Variants in INPP4B observed in about 807,000 individuals in gnomAD.
INPP4B encodes the protein inositol polyphosphate-4-phosphatase type II B.
A neutral mutation model predicts 122.5 loss-of-function variants in INPP4B; 55 were observed. That is an observed-to-expected ratio of 0.45 (90% CI 0.36 to 0.56). INPP4B has a LOEUF of 0.56. Among genes scored for constraint, INPP4B ranks in the 20% least tolerant of loss-of-function variants. INPP4B has a pLI of 0.00. For synonymous variants in INPP4B, 403 were observed against 388.7 expected, an observed-to-expected ratio of 1.04 and a Z score of -0.43; for missense variants, 1,000 against 1,097.7, an observed-to-expected ratio of 0.91 and a Z score of 1.26.
intron 2 of INPP4B, among the ~76,000 whole-genome samples, chr4:142,572,487 A>G (rs912353361): frequency 1.3e-5 from 2 of 152,144 alleles, no homozygotes; most frequent in Non-Finnish European, 2.9e-5. Context: ...AACAACCACA[A>G]CACTATATTT....
intron 7 of INPP4B, chr4:142,347,243 T>C (rs1780579326): frequency 6.4e-6 from 1 of 156,188 alleles, no homozygotes; most frequent in African/African-American, 2.4e-5. Flanking sequence ...CTATTAAACA[T>C]CTATTGAATA....
intron 12 of INPP4B, among the ~76,000 whole-genome samples, chr4:142,213,248 C>T (rs1845639131): frequency 6.6e-6 from 1 of 152,178 alleles, no homozygotes; most frequent in East Asian, 1.9e-4. Flanking sequence ...GGAGAGGATG[C>T]AACTTAATTT....
intron 15 of INPP4B, among the ~76,000 whole-genome samples, chr4:142,179,487 A>AAG (rs1829825258): frequency 6.6e-6 from 1 of 151,334 alleles, no homozygotes; most frequent in Non-Finnish European, 1.5e-5. Context: ...AAAAAAAAAA[A>AAG]AAAAGGTTTC....
chr4:142,448,343 A>C (rs1220776254), intron 3 of INPP4B, among the ~76,000 whole-genome samples: 4 of 151,698 alleles, frequency 2.6e-5, no homozygotes, highest in Admixed American at 1.3e-4. Context: ...AAAAAAAAAA[A>C]AAAAAAAAAA....
At chr4:142,828,461 A>G (rs1286065532) in intron 1 of INPP4B, among the ~76,000 whole-genome samples, 1 of 152,188 alleles carries the variant, frequency 6.6e-6, no homozygotes, top group Non-Finnish European at 1.5e-5. Context: ...AAAATACTGT[A>G]CATATAATCA....
intron 15 of INPP4B, among the ~76,000 whole-genome samples, chr4:142,178,915 T>C (rs1339568616): frequency 6.6e-6 from 1 of 150,956 alleles, no homozygotes; most frequent in Non-Finnish European, 1.5e-5. Flanking sequence ...AAGAAAATAA[T>C]ATGGATCACA....
chr4:142,273,382 G>A (rs1746839021), intron 9 of INPP4B, among the ~76,000 whole-genome samples: 1 of 151,804 alleles, frequency 6.6e-6, no homozygotes, highest in African/African-American at 2.4e-5. Context: ...AAGGCTATAA[G>A]GTCTCATGGC....
intron 2 of INPP4B, among the ~76,000 whole-genome samples, chr4:142,692,914 T>TAGATAGATAGATAGATAGATAG (rs1760398423): frequency 6.7e-6 from 1 of 148,238 alleles, no homozygotes; most frequent in Non-Finnish European, 1.5e-5. Flanking sequence ...GGCTAGTCTC[T>TAGATAGATAGATAGATAGATAG]ATAGATAGAT....
chr4:142,104,894 G>C (rs1156791836), intron 23 of INPP4B, among the ~76,000 whole-genome samples: 1 of 151,812 alleles, frequency 6.6e-6, no homozygotes, highest in African/African-American at 2.4e-5. Context: ...TAATATTTTT[G>C]TCATTGCATA....
chr4:142,234,665 G>C (rs991708506), intron 12 of INPP4B, among the ~76,000 whole-genome samples: 3 of 152,132 alleles, frequency 2.0e-5, no homozygotes, highest in African/African-American at 7.2e-5. Flanking sequence ...TATACAGCCT[G>C]GTCATCATAG....
At chr4:142,213,685 C>A (rs772101999) in intron 12 of INPP4B, among the ~76,000 whole-genome samples, 33 of 152,186 alleles carry the variant, frequency 2.2e-4, no homozygotes, top group Non-Finnish European at 3.8e-4. Flanking sequence ...TTCTTTCAGG[C>A]CCATCAGATT....
chr4:142,221,818 A>G (rs894230075), intron 12 of INPP4B, among the ~76,000 whole-genome samples: 4 of 152,226 alleles, frequency 2.6e-5, no homozygotes, highest in African/African-American at 9.6e-5. Flanking sequence ...ATTGTATTTA[A>G]TTTTTAAAAA....
chr4:142,569,955 C>G (rs1732465161), intron 2 of INPP4B, among the ~76,000 whole-genome samples: 1 of 152,008 alleles, frequency 6.6e-6, no homozygotes, highest in Non-Finnish European at 1.5e-5. Flanking sequence ...TTCTTCCATT[C>G]CTCCTCCAAT....
intron 2 of INPP4B, among the ~76,000 whole-genome samples, chr4:142,619,724 C>T (rs192692058): frequency 1.1e-4 from 16 of 151,952 alleles, no homozygotes; most frequent in Admixed American, 4.6e-4. Context: ...CTGTATTATC[C>T]GCTTAGAAAT....
intron 9 of INPP4B, among the ~76,000 whole-genome samples, chr4:142,298,099 AAAACAAAC>A (rs149202589): frequency 0.027 from 4,108 of 152,100 alleles, 85 homozygotes; most frequent in Middle Eastern, 0.051. Context: ...CCTAAGGCAA[AAAACAAAC>A]AAACAAACAA....
chr4:142,600,276 T>C (rs1413964434), intron 2 of INPP4B, among the ~76,000 whole-genome samples: 1 of 152,166 alleles, frequency 6.6e-6, no homozygotes, highest in Non-Finnish European at 1.5e-5. Context: ...CTTGGATCTC[T>C]TTCTCAGCAT....
chr4:142,321,244 C>A (rs1769888552), intron 7 of INPP4B, among the ~76,000 whole-genome samples: 1 of 152,064 alleles, frequency 6.6e-6, no homozygotes, highest in Non-Finnish European at 1.5e-5. Context: ...TTTTCATAGG[C>A]TTGTTGGCCA....
At chr4:142,114,780 A>G (rs113622178) in intron 21 of INPP4B, among the ~76,000 whole-genome samples, 2 of 151,986 alleles carry the variant, frequency 1.3e-5, no homozygotes, top group African/African-American at 2.4e-5. Context: ...ATGAAGTCCT[A>G]TTTATCTATT....
chr4:142,800,040 G>A (rs1379107927), intron 1 of INPP4B, among the ~76,000 whole-genome samples: 1 of 151,980 alleles, frequency 6.6e-6, no homozygotes, highest in East Asian at 1.9e-4. Context: ...TTAGACTATA[G>A]AAAGATCATT....
Sources: allele counts gnomAD v4.1 joint callset (sites outside exome capture counted in the v4.1 genomes callset), GRCh38; gene constraint gnomAD v4.1.1; transcripts MANE v1.5; gene names NCBI Gene and HGNC (gene_info 2026-07-23, HGNC 2026-07-21).